SLAMF6: variants seen among roughly 807,000 people sequenced by gnomAD.
SLAMF6 encodes the protein NK-T-B-antigen.
SLAMF6 carries 21 observed loss-of-function variants against 38.3 expected under a neutral mutation model. That is an observed-to-expected ratio of 0.55 (90% confidence interval 0.39 to 0.79). The LOEUF (loss-of-function observed/expected upper bound fraction) is 0.79. SLAMF6 is among the 30% of genes least tolerant of loss of function. The pLI is 0.00. For missense variants in SLAMF6, 341 were observed against 385.3 expected, an observed-to-expected ratio of 0.89 and a Z score of 0.96; for synonymous variants, 152 against 146.3, an observed-to-expected ratio of 1.04 and a Z score of -0.28.
chr1:160,516,661 C>A (rs1394046315), intron 1 of SLAMF6, among the ~76,000 whole-genome samples: 1 of 151,298 alleles, frequency 6.6e-6, no homozygotes, highest in African/African-American at 2.4e-5. Context: ...ACAAAACAGA[C>A]ACATAGACCA....
At chr1:160,491,566 A>C (rs889449613) in intron 2 of SLAMF6, among the ~76,000 whole-genome samples, 178 bp from the exon 3 acceptor site, 3 of 152,192 alleles carry the variant, frequency 2.0e-5, no homozygotes, top group Non-Finnish European at 4.4e-5. Flanking sequence ...GTCTGGGATG[A>C]CCAAATGATG....
intron 1 of SLAMF6, among the ~76,000 whole-genome samples, chr1:160,518,411 T>C (rs1654841170): frequency 6.6e-6 from 1 of 152,200 alleles, no homozygotes; most frequent in South Asian, 2.1e-4. Context: ...ACTGGGTATA[T>C]ACCCAAAAGA....
chr1:160,505,235 G>A (rs969400695), intron 1 of SLAMF6, among the ~76,000 whole-genome samples: 1 of 152,150 alleles, frequency 6.6e-6, no homozygotes, highest in Non-Finnish European at 1.5e-5. Flanking sequence ...GGAAGGGGAA[G>A]AGTCTGATTT....
intron 1 of SLAMF6, among the ~76,000 whole-genome samples, chr1:160,499,021 C>T (rs12760465): frequency 0.014 from 2,157 of 152,214 alleles, 20 homozygotes; most frequent in African/African-American, 0.022. Context: ...TGTCTGTTTA[C>T]GGTAATGATA....
chr1:160,503,712 C>T (rs899108509), intron 1 of SLAMF6, among the ~76,000 whole-genome samples: 1 of 152,104 alleles, frequency 6.6e-6, no homozygotes, highest in Admixed American at 6.6e-5. Context: ...TGCGAACACA[C>T]ACAGAGTGAG....
At chr1:160,506,637 T>G (rs1346738627) in intron 1 of SLAMF6, among the ~76,000 whole-genome samples, 1 of 152,208 alleles carries the variant, frequency 6.6e-6, no homozygotes, top group Non-Finnish European at 1.5e-5. Context: ...CCAGTATTCT[T>G]GCATTTTTGC....
At chr1:160,515,247 C>G (rs755846370) in intron 1 of SLAMF6, among the ~76,000 whole-genome samples, 2 of 152,018 alleles carry the variant, frequency 1.3e-5, no homozygotes, top group East Asian at 3.8e-4. Context: ...ATGCACATAA[C>G]CTAGAAAATC....
At chr1:160,508,557 T>C (rs1654311945) in intron 1 of SLAMF6, among the ~76,000 whole-genome samples, 1 of 152,148 alleles carries the variant, frequency 6.6e-6, no homozygotes, top group African/African-American at 2.4e-5. Flanking sequence ...ATAAAAACTG[T>C]AGAAGAAAAC....
chr1:160,514,813 C>A (rs576377375), intron 1 of SLAMF6, among the ~76,000 whole-genome samples: 1 of 152,214 alleles, frequency 6.6e-6, no homozygotes, highest in South Asian at 2.1e-4. Flanking sequence ...CCAATGAGAA[C>A]AAAGAGACAA....
intron 6 of SLAMF6, among the ~76,000 whole-genome samples, chr1:160,488,162 A>T (rs1214472223): frequency 2.0e-5 from 3 of 151,852 alleles, no homozygotes; most frequent in Non-Finnish European, 2.9e-5. Context: ...TCTCCAAAGC[A>T]CATTTTTTTT....
chr1:160,491,664 G>A, intron 2 of SLAMF6, among the ~76,000 whole-genome samples: 1 of 152,118 alleles, frequency 6.6e-6, no homozygotes, highest in Non-Finnish European at 1.5e-5. Flanking sequence ...GTAGTTTTGG[G>A]GTGGTTATTT....
chr1:160,504,603 AG>A (rs1307352368), intron 1 of SLAMF6, among the ~76,000 whole-genome samples: 1 of 152,202 alleles, frequency 6.6e-6, no homozygotes, highest in African/African-American at 2.4e-5. Flanking sequence ...TAAAAAACTG[AG>A]GAAAAGCACT....
At chr1:160,501,664 CTTAA>C (rs1225098155) in intron 1 of SLAMF6, among the ~76,000 whole-genome samples, 1 of 149,600 alleles carries the variant, frequency 6.7e-6, no homozygotes, top group East Asian at 2.0e-4. Context: ...TTCTCCATTA[CTTAA>C]TTATTTGTAA....
At chr1:160,508,192 C>A (rs1305110144) in intron 1 of SLAMF6, among the ~76,000 whole-genome samples, 3 of 152,124 alleles carry the variant, frequency 2.0e-5, no homozygotes, top group African/African-American at 7.2e-5. Flanking sequence ...AAAGAGCCCA[C>A]ATTGCCAAGA....
intron 6 of SLAMF6, among the ~76,000 whole-genome samples, chr1:160,488,427 G>GA (rs1230132532): frequency 6.6e-6 from 1 of 152,146 alleles, no homozygotes; most frequent in East Asian, 1.9e-4. Context: ...TTATTTTTCA[G>GA]AAAACTGGCC....
chr1:160,491,352 T>C lies in SLAMF6; in HGVS notation c.419A>G (p.Gln140Arg), dbSNP rs755885117. The C allele has an allele frequency of 6.2e-7, 1 of 1,613,900 alleles. No homozygotes were observed. The highest frequency in any genetic ancestry group is 8.5e-7 in the Non-Finnish European group (1 of 1,179,926). The change falls in exon 3 of 8, where the codon CAG becomes CGG. Residue 140 changes from glutamine (Q) to arginine (R), a missense_variant. Coordinates refer to ENST00000368057, the MANE Select transcript of SLAMF6 (RefSeq NM_001184714.2). ...CTCACAGGTCATATTCTGAAATAGCTGACTGTGATTGGTAACTTGTATGTT... is the reference window on the plus strand; with the variant it reads ...CTCACAGGTCATATTCTGAAATAGCCGACTGTGATTGGTAACTTGTATGTT... ...LRNIQVTNHS[Q>R]LFQNMTCELH...
At chr1:160,496,680 A>G (rs1002538112) in intron 1 of SLAMF6, among the ~76,000 whole-genome samples, 1 of 152,184 alleles carries the variant, frequency 6.6e-6, no homozygotes. Flanking sequence ...CTAGGTCATA[A>G]CTATACTTTG....
intron 1 of SLAMF6, among the ~76,000 whole-genome samples, chr1:160,516,641 T>C (rs1654758078): frequency 6.6e-6 from 1 of 151,836 alleles, no homozygotes; most frequent in African/African-American, 2.4e-5. Flanking sequence ...GCACGGTACA[T>C]GGTACTGGTA....
At chr1:160,505,165 G>C (rs1654118077) in intron 1 of SLAMF6, among the ~76,000 whole-genome samples, 1 of 152,036 alleles carries the variant, frequency 6.6e-6, no homozygotes, top group Non-Finnish European at 1.5e-5. Flanking sequence ...AAATAGTTTA[G>C]AATAGTCACT....
Sources: gnomAD v4.1 joint callset for allele counts (sites outside exome capture counted in the v4.1 genomes callset) on GRCh38, gnomAD v4.1.1 for gene constraint, MANE v1.5 for transcripts, NCBI Gene and HGNC (gene_info 2026-07-23, HGNC 2026-07-21) for gene names.